ZNF420: variants seen among roughly 807,000 people sequenced by gnomAD.
ZNF420 encodes the protein ATM and p53-associated KZNF protein.
A neutral mutation model predicts 44.7 loss-of-function variants in ZNF420; 31 were observed. The ratio of observed to expected loss-of-function variants is 0.69; its 90% CI spans 0.52 to 0.94. ZNF420 has a LOEUF of 0.94. Ranked by LOEUF, ZNF420 falls within the 40% of genes least tolerant of loss-of-function variation. The probability of loss-of-function intolerance (pLI) is 0.00; values close to 1 mark genes in which losing one functional copy is unlikely to be tolerated. For synonymous variants in ZNF420, 245 were observed against 267.4 expected, an observed-to-expected ratio of 0.92 and a Z score of 0.82; for missense variants, 681 against 827.9, an observed-to-expected ratio of 0.82 and a Z score of 2.18.
intron 4 of ZNF420, among the ~76,000 whole-genome samples, chr19:37,122,569 A>T (rs994724215): frequency 7.2e-5 from 11 of 152,152 alleles, no homozygotes; most frequent in Non-Finnish European, 1.6e-4. Context: ...CATATGTAAC[A>T]AACCTGCACA....
upstream of ZNF420, among the ~76,000 whole-genome samples, chr19:37,073,439 T>C (rs1180921233): frequency 6.6e-6 from 1 of 152,082 alleles, no homozygotes; most frequent in African/African-American, 2.4e-5. Context: ...ACAATATAAG[T>C]ACGAAATATC....
intron 2 of ZNF420, among the ~76,000 whole-genome samples, chr19:37,084,528 G>T (rs548943380): frequency 6.6e-6 from 1 of 152,184 alleles, no homozygotes; most frequent in South Asian, 2.1e-4. Context: ...TAGTATTATG[G>T]TTATTTGGCC....
chr19:37,012,764 CTCTGTGTGTG>C (rs1428870462), intron 1 of ZNF420, among the ~76,000 whole-genome samples: 1,664 of 132,340 alleles, frequency 0.013, 29 homozygotes, highest in South Asian at 0.027. Flanking sequence ...TGCTATATGT[CTCTGTGTGTG>C]TGTGTGTGTG....
intron 4 of ZNF420, among the ~76,000 whole-genome samples, chr19:37,111,304 TG>T (rs1310700736): frequency 2.0e-5 from 3 of 152,260 alleles, no homozygotes; most frequent in Non-Finnish European, 2.9e-5. Context: ...TATTTAAGTC[TG>T]GGTCTCCTCT....
intron 4 of ZNF420, among the ~76,000 whole-genome samples, chr19:37,112,352 C>T (rs899920721): frequency 6.6e-6 from 1 of 152,194 alleles, no homozygotes; most frequent in Non-Finnish European, 1.5e-5. Flanking sequence ...ATCTCGACCC[C>T]ACAGATTAAC....
At chr19:37,024,533 G>A (rs758287856) in intron 1 of ZNF420, among the ~76,000 whole-genome samples, 3 of 151,904 alleles carry the variant, frequency 2.0e-5, no homozygotes, top group Non-Finnish European at 4.4e-5. Context: ...CACTGCAACC[G>A]CCACCTCCCA....
At chr19:37,033,431 C>T (rs58252981) in intron 1 of ZNF420, among the ~76,000 whole-genome samples, 4 of 152,266 alleles carry the variant, frequency 2.6e-5, no homozygotes, top group South Asian at 2.1e-4. Context: ...ATGACATGCT[C>T]GATACCTCAT....
intron 1 of ZNF420, among the ~76,000 whole-genome samples, chr19:37,079,810 A>G (rs1218713871): frequency 2.0e-5 from 3 of 151,910 alleles, no homozygotes; most frequent in African/African-American, 7.3e-5. Flanking sequence ...ACCTGAGGTC[A>G]TGGTTTCACC....
chr19:37,084,645 C>T (rs900693610), intron 2 of ZNF420, among the ~76,000 whole-genome samples: 4 of 151,954 alleles, frequency 2.6e-5, no homozygotes, highest in African/African-American at 9.7e-5. Context: ...ACCAGTAAAG[C>T]CATCTGGGCC....
chr19:37,128,069 GA>G lies in ZNF420; in HGVS notation c.1083del (p.Lys361AsnfsTer214). On this transcript the variant is annotated frameshift_variant, in exon 5 of 5. Coordinates refer to ENST00000337995, the MANE Select transcript of ZNF420 (RefSeq NM_144689.5). LOFTEE classifies it high-confidence loss of function. ...LMQHQRIHTG[E>X]KPYKCEECGK... ...GCAACATCAGAGGATTCATACTGGT[GA>G]AAAACCCTATAAATGTGAAGAATGT... is the stretch of plus-strand genomic sequence containing the variant. 1 of 1,613,916 alleles carries G rather than the reference GA, an allele frequency of 6.2e-7. No homozygotes were observed. Among genetic ancestry groups the G allele is most frequent in the Non-Finnish European group, 8.5e-7 (1 of 1,179,938 alleles).
At chr19:37,042,605 A>G (rs762739823) in intron 1 of ZNF420, among the ~76,000 whole-genome samples, 19 of 152,260 alleles carry the variant, frequency 1.2e-4, no homozygotes, top group Non-Finnish European at 2.9e-5. Context: ...GCTCTTTTCC[A>G]ATTCATCAGA....
intron 1 of ZNF420, among the ~76,000 whole-genome samples, chr19:37,024,639 G>A (rs1449964500): frequency 1.3e-5 from 2 of 152,060 alleles, no homozygotes; most frequent in Non-Finnish European, 2.9e-5. Context: ...TAGTAGAGAC[G>A]GGGTTTCACT....
At chr19:37,040,203 A>T (rs1166177268) in intron 1 of ZNF420, among the ~76,000 whole-genome samples, 1 of 152,188 alleles carries the variant, frequency 6.6e-6, no homozygotes, top group African/African-American at 2.4e-5. Flanking sequence ...AGCTTCTACA[A>T]CAGAACTTGC....
At chr19:37,090,946 A>G (rs1341011618) in intron 3 of ZNF420, 49 bp from the exon 4 acceptor site, 5 of 1,580,778 alleles carry the variant, frequency 3.2e-6, no homozygotes, top group Non-Finnish European at 4.3e-6. Context: ...AGAAAAAAAG[A>G]AAAGCATTTT....
intron 1 of ZNF420, among the ~76,000 whole-genome samples, chr19:37,034,392 A>G (rs189285397): frequency 6.0e-4 from 92 of 152,260 alleles, no homozygotes; most frequent in Non-Finnish European, 1.2e-3. Context: ...GGAATTCTTT[A>G]TATATTCTGG....
At chr19:37,037,349 C>G (rs1424068740) in intron 1 of ZNF420, among the ~76,000 whole-genome samples, 2 of 152,210 alleles carry the variant, frequency 1.3e-5, no homozygotes, top group Non-Finnish European at 2.9e-5. Context: ...AGATGGATGG[C>G]TACGATTGCT....
Position 37,011,856 on chromosome 19 carries a change from C to T in ZNF420, c.-125+3774C>T, listed in dbSNP as rs542759364. On this transcript the variant is annotated intron_variant, in intron 1 of 4. Transcript: ENST00000587029. ...GGACTCGCCCCTGTTCCTGTTTGCA[C>T]GTGTACTAGAAAGCGGTGTCTTCTT... Among the ~76,000 whole-genome samples, 13 of 152,290 alleles carry T rather than the reference C, an allele frequency of 8.5e-5. No homozygotes were observed. The East Asian group carries it at 2.1e-3, about 25-fold the overall frequency.
chr19:37,116,894 C>T (rs10413360), intron 4 of ZNF420, among the ~76,000 whole-genome samples: 76,555 of 152,034 alleles, frequency 0.5, 19,956 homozygotes, highest in African/African-American at 0.58. Flanking sequence ...AAGGCAGCAG[C>T]GAGGCTGGGG....
chr19:37,031,017 G>A (rs896853144), intron 1 of ZNF420, among the ~76,000 whole-genome samples: 3 of 151,942 alleles, frequency 2.0e-5, no homozygotes, highest in Non-Finnish European at 4.4e-5. Context: ...CACCACGCCC[G>A]GCTAATTTTT....
Sources: gnomAD v4.1 joint callset for allele counts (sites outside exome capture counted in the v4.1 genomes callset) on GRCh38, gnomAD v4.1.1 for gene constraint, MANE v1.5 for transcripts, NCBI Gene and HGNC (gene_info 2026-07-23, HGNC 2026-07-21) for gene names.